ATP9B: variants seen among roughly 807,000 people sequenced by gnomAD.
ATP9B encodes ATPase phospholipid transporting 9B.
ATP9B carries 110 observed loss-of-function variants against 146.1 expected under a neutral mutation model. The observed-to-expected ratio is 0.75, with a 90% CI of 0.65 to 0.88. The LOEUF (loss-of-function observed/expected upper bound fraction) is 0.88. Ranked by LOEUF, ATP9B falls within the 40% of genes least tolerant of loss-of-function variation. The probability of loss-of-function intolerance (pLI) is 0.00; values close to 1 mark genes in which losing one functional copy is unlikely to be tolerated. For missense variants in ATP9B, 1,499 were observed against 1,496.4 expected (o/e 1.00, Z -0.03); for synonymous variants, 604 against 569.7 (o/e 1.06, Z -0.86).
intron 1 of ATP9B, among the ~76,000 whole-genome samples, chr18:79,091,461 A>G (rs1568153770): frequency 1.3e-5 from 2 of 152,094 alleles, no homozygotes; most frequent in Non-Finnish European, 2.9e-5. Context: ...TGCCTTCATC[A>G]GTGTTTTATA....
At chr18:79,098,470 C>T (rs550394249) in intron 2 of ATP9B, among the ~76,000 whole-genome samples, 4 of 148,884 alleles carry the variant, frequency 2.7e-5, no homozygotes, top group Non-Finnish European at 4.4e-5. Context: ...AGAAAATTTT[C>T]GCAACCTACT....
chr18:79,332,383 C>T (rs1407378258), intron 17 of ATP9B, among the ~76,000 whole-genome samples: 3 of 152,078 alleles, frequency 2.0e-5, no homozygotes, highest in East Asian at 1.9e-4. Context: ...GAGCCAAGAT[C>T]GCGACACTGC....
At chr18:79,303,490 G>A (rs2096604556) in intron 13 of ATP9B, 114 bp from the exon 14 acceptor site, 1 of 702,832 alleles carries the variant, frequency 1.4e-6, no homozygotes. Context: ...TATACAGTTG[G>A]GCATCCCAGC....
intron 7 of ATP9B, among the ~76,000 whole-genome samples, chr18:79,166,613 G>A (rs892122569): frequency 1.3e-5 from 2 of 152,186 alleles, no homozygotes; most frequent in South Asian, 2.1e-4. Context: ...GGGCAAAGTC[G>A]TGAAATCCCT....
chr18:79,324,293 G>A (rs1333338072), intron 15 of ATP9B, among the ~76,000 whole-genome samples: 2 of 152,058 alleles, frequency 1.3e-5, no homozygotes, highest in African/African-American at 4.8e-5. Context: ...TTGCTGTGCA[G>A]TGGCTTTTTA....
intron 2 of ATP9B, among the ~76,000 whole-genome samples, chr18:79,109,239 T>A (rs1293015569): frequency 6.6e-6 from 1 of 152,188 alleles, no homozygotes; most frequent in East Asian, 1.9e-4. Flanking sequence ...ATTTTGAAAA[T>A]TTAAATTAAA....
At chr18:79,119,386 A>G (rs57574932) in intron 4 of ATP9B, among the ~76,000 whole-genome samples, 6,068 of 152,260 alleles carry the variant, frequency 0.04, 375 homozygotes, top group African/African-American at 0.13. Flanking sequence ...TTTTCTTTTC[A>G]TATGATTGTT....
At chr18:79,242,519 T>C (rs2095899523) in intron 11 of ATP9B, among the ~76,000 whole-genome samples, 1 of 152,256 alleles carries the variant, frequency 6.6e-6, no homozygotes, top group Non-Finnish European at 1.5e-5. Flanking sequence ...ACAAAGATTC[T>C]TGTAGTCTTG....
At chr18:79,303,124 A>G (rs1005522744) in intron 13 of ATP9B, among the ~76,000 whole-genome samples, 11 of 152,228 alleles carry the variant, frequency 7.2e-5, no homozygotes, top group African/African-American at 2.4e-4. Context: ...GTCTATAATC[A>G]GAACACTTTA....
intron 5 of ATP9B, among the ~76,000 whole-genome samples, chr18:79,128,471 G>GT (rs1212250198): frequency 6.6e-6 from 1 of 152,110 alleles, no homozygotes; most frequent in Non-Finnish European, 1.5e-5. Context: ...TGAAAACAAT[G>GT]TTTTTTCTCC....
chr18:79,086,068 G>T (rs1191240337), intron 1 of ATP9B: 1 of 151,422 alleles, frequency 6.6e-6, no homozygotes, highest in Admixed American at 6.6e-5. Context: ...TTAAGACAGT[G>T]TTTATCTAAT....
At chr18:79,275,054 A>T (rs917656764) in intron 12 of ATP9B, among the ~76,000 whole-genome samples, 2 of 152,204 alleles carry the variant, frequency 1.3e-5, no homozygotes, top group African/African-American at 4.8e-5. Context: ...ACCCATTTGC[A>T]TTATAGTAGC....
intron 29 of ATP9B, chr18:79,376,346 C>T: frequency 1.0e-6 from 1 of 985,384 alleles, no homozygotes; most frequent in Non-Finnish European, 1.2e-6. Flanking sequence ...AGAGTGTTGT[C>T]CACCCATTCA....
chr18:79,280,177 C>T (rs1202708732), intron 13 of ATP9B, among the ~76,000 whole-genome samples: 1 of 151,938 alleles, frequency 6.6e-6, no homozygotes, highest in Non-Finnish European at 1.5e-5. Context: ...CGGATATTGA[C>T]AGAAACATGG....
rs749986034 is a variant in ATP9B, at chr18:79,330,420, C to CT, written c.2028+330dup. ...CCTATCTATTTATAAATAGTTTACC[C>CT]TTTTTTTTTTTTTTGAGACAGACAC... On this transcript the variant is annotated intron_variant, in intron 17 of 29. Coordinates refer to ENST00000426216, the MANE Select transcript of ATP9B (RefSeq NM_198531.5). Among the ~76,000 whole-genome samples, 1,031 of 142,942 alleles carry CT rather than the reference C, an allele frequency of 7.2e-3. 4 individuals are homozygous for CT. Among genetic ancestry groups the CT allele is most frequent in the East Asian group, 0.026 (130 of 4,978 alleles). 93.8% of individuals were successfully genotyped at this position (142,942 alleles called of 152,430 possible).
intron 29 of ATP9B, 34 bp from the exon 30 acceptor site, chr18:79,377,213 A>G: frequency 6.2e-7 from 1 of 1,607,678 alleles, no homozygotes; most frequent in Admixed American, 1.7e-5. Flanking sequence ...CTTCTTGGTC[A>G]GCTCTTACCT....
intron 15 of ATP9B, among the ~76,000 whole-genome samples, chr18:79,319,506 A>G (rs1301977762): frequency 1.3e-5 from 2 of 152,128 alleles, no homozygotes; most frequent in South Asian, 2.1e-4. Context: ...TAGAGGGAAC[A>G]CTGAACAGTT....
At chr18:79,294,485 A>G (rs1248532602) in intron 13 of ATP9B, among the ~76,000 whole-genome samples, 1 of 152,244 alleles carries the variant, frequency 6.6e-6, no homozygotes, top group African/African-American at 2.4e-5. Context: ...AGAAACGGCC[A>G]GTGGCCAAGT....
chr18:79,193,342 A>G (rs970608638), intron 9 of ATP9B, 79 bp downstream of exon 9: 6 of 1,179,802 alleles, frequency 5.1e-6, no homozygotes, highest in Middle Eastern at 1.9e-4. Context: ...CAGTAATTCA[A>G]TCAAGAATAA....
Sources: gnomAD v4.1 joint callset for allele counts (sites outside exome capture counted in the v4.1 genomes callset) on GRCh38, gnomAD v4.1.1 for gene constraint, MANE v1.5 for transcripts, NCBI Gene and HGNC (gene_info 2026-07-23, HGNC 2026-07-21) for gene names.